Variants in ADAMTS2 observed in about 807,000 individuals in gnomAD.
ADAMTS2 encodes ADAM metallopeptidase with thrombospondin type 1 motif 2.
A neutral mutation model predicts 123.0 loss-of-function variants in ADAMTS2; 50 were observed. The observed-to-expected ratio is 0.41, with a 90% CI of 0.32 to 0.51. The LOEUF (loss-of-function observed/expected upper bound fraction) is 0.51, where lower values mean the gene tolerates loss of function less well. ADAMTS2 is among the 20% of genes least tolerant of loss of function. The pLI is 0.35. For missense variants in ADAMTS2, 1,494 were observed against 1,705.2 expected, an observed-to-expected ratio of 0.88 and a Z score of 2.18; for synonymous variants, 678 against 695.4, an observed-to-expected ratio of 0.98 and a Z score of 0.39.
In ADAMTS2 at chr5:179,132,722, C is replaced by G; in HGVS notation, c.2209+55G>C. The G allele has an allele frequency of 1.2e-6, 2 of 1,613,012 alleles. No individual in the cohort carries two copies. The highest frequency in any genetic ancestry group is 2.2e-5 in the South Asian group (2 of 91,024). ...TGAGTCAGGCCCTCAGCTGTCCGGG[C>G]ATGAGCCTGCTGCAGGCATCCAGGC... On this transcript the variant is annotated intron_variant, in intron 14 of 21. Transcript: ENST00000251582. This position sits in a 1 kb window ranked among gnomAD's most constrained non-coding sequence, Gnocchi z 6.1.
chr5:179,258,946 C>T (rs561285586), intron 3 of ADAMTS2, among the ~76,000 whole-genome samples: 1 of 152,158 alleles, frequency 6.6e-6, no homozygotes, highest in Non-Finnish European at 1.5e-5. Flanking sequence ...CTGATCCGGC[C>T]GCTGCTCTCA....
intron 3 of ADAMTS2, among the ~76,000 whole-genome samples, chr5:179,241,254 G>A (rs1321086729): frequency 1.3e-5 from 2 of 152,230 alleles, no homozygotes; most frequent in Admixed American, 1.3e-4. Context: ...GGGACAGAGT[G>A]CAAGGTGCCT....
chr5:179,128,549 C>A lies in ADAMTS2; in HGVS notation c.2458-431G>T, dbSNP rs905742445. Among the ~76,000 whole-genome samples, 1 of 152,046 alleles carries A rather than the reference C, an allele frequency of 6.6e-6. No individual in the cohort carries two copies. The highest frequency in any genetic ancestry group is 2.4e-5 in the African/African-American group (1 of 41,396). ...CTGGGATTACAGGCGCCCGCCACCA[C>A]GCCTGGCTAATTTTTGTATTTTTAG... is the stretch of plus-strand genomic sequence containing the variant. On this transcript the variant is annotated intron_variant, in intron 16 of 21. Transcript: ENST00000251582. The surrounding 1 kb of genome is among the most constrained non-coding windows in gnomAD (Gnocchi z 4.9).
intron 2 of ADAMTS2, among the ~76,000 whole-genome samples, chr5:179,319,192 C>T (rs566980288): frequency 3.3e-4 from 48 of 146,802 alleles, no homozygotes; most frequent in African/African-American, 1.1e-3. Context: ...ACCATGCAGA[C>T]GCATGCACAC....
chr5:179,189,901 CG>C lies in ADAMTS2; in HGVS notation c.892-8747del, dbSNP rs566336472. On this transcript the variant is annotated intron_variant, in intron 4 of 21. Coordinates refer to ENST00000251582, the MANE Select transcript of ADAMTS2 (RefSeq NM_014244.5). This position sits in a 1 kb window ranked among gnomAD's most constrained non-coding sequence, Gnocchi z 4.2. ...AGTAGATTCACAAGGGCGGGTCCGG[CG>C]GGGGCGGGTGGCAATATCACAAAGT... Among the ~76,000 whole-genome samples, 500 of 149,716 alleles carry C rather than the reference CG, an allele frequency of 3.3e-3. 2 individuals carry two copies. The highest frequency in any genetic ancestry group is 0.011 in the African/African-American group (455 of 40,464).
At chr5:179,244,903 A>C (rs749957807) in intron 3 of ADAMTS2, among the ~76,000 whole-genome samples, 15 of 152,200 alleles carry the variant, frequency 9.9e-5, no homozygotes, top group Non-Finnish European at 2.2e-4. Flanking sequence ...GCATGAAATT[A>C]TATAAAGCAA....
At position 179,242,690 on chromosome 5, in the gene ADAMTS2, C is replaced by A. The variant is rs1182621885; in HGVS notation, c.688+30221G>T. On this transcript the variant is annotated intron_variant, in intron 3 of 21. Coordinates refer to ENST00000251582, the MANE Select transcript of ADAMTS2 (RefSeq NM_014244.5). The surrounding 1 kb of genome is among the most constrained non-coding windows in gnomAD (Gnocchi z 4.2). ...TCTCTCTTCCCCGCTTCTAGTCCTT[C>A]CAGTTCAGCTTATGGGGAGTTCCAC... 6.6e-6 allele frequency among the ~76,000 whole-genome samples: 1 copy of A among 152,204 alleles called. No homozygotes were observed. Among genetic ancestry groups the A allele is most frequent in the African/African-American group, 2.4e-5 (1 of 41,438 alleles).
Position 179,256,006 on chromosome 5 carries a change from A to G in ADAMTS2, c.688+16905T>C, listed in dbSNP as rs975661521. 6.6e-5 allele frequency among the ~76,000 whole-genome samples: 10 copies of G among 152,116 alleles called. No individual in the cohort carries two copies. The highest frequency in any genetic ancestry group is 2.4e-4 in the African/African-American group (10 of 41,430). On this transcript the variant is annotated intron_variant, in intron 3 of 21. Coordinates refer to ENST00000251582, the MANE Select transcript of ADAMTS2 (RefSeq NM_014244.5). This position sits in a 1 kb window ranked among gnomAD's most constrained non-coding sequence, Gnocchi z 4.1. ...CTGCCTACACCCCCAACACATGAGC[A>G]TGGGCAGGTACCCACCAGTCTCCTT...
intron 3 of ADAMTS2, among the ~76,000 whole-genome samples, chr5:179,248,990 C>A (rs1765863017): frequency 6.6e-6 from 1 of 152,026 alleles, no homozygotes; most frequent in African/African-American, 2.4e-5. Context: ...TGTTAGGTCA[C>A]AAAACAAGTC....
At position 179,189,523 on chromosome 5, in the gene ADAMTS2, T is replaced by C. The variant is rs1049839769; in HGVS notation, c.892-8368A>G. On this transcript the variant is annotated intron_variant, in intron 4 of 21. Coordinates refer to ENST00000251582, the MANE Select transcript of ADAMTS2 (RefSeq NM_014244.5). This position sits in a 1 kb window ranked among gnomAD's most constrained non-coding sequence, Gnocchi z 4.2. ...CCAGTGCGCCTGGTTTTTTTTTTTT[T>C]TTTTTTTTTTTTTTTAGTAGAGGCA... 2.1e-5 allele frequency among the ~76,000 whole-genome samples: 3 copies of C among 139,628 alleles called. No individual in the cohort carries two copies. Among genetic ancestry groups the C allele is most frequent in the African/African-American group, 5.4e-5 (2 of 37,280 alleles). 91.6% of individuals were successfully genotyped at this position (139,628 alleles called of 152,430 possible). A position where few individuals can be genotyped will look rare whatever the true frequency, so the allele number is the denominator to read the frequency against.
At chr5:179,290,794 C>A (rs1561694403) in intron 2 of ADAMTS2, among the ~76,000 whole-genome samples, 1 of 152,314 alleles carries the variant, frequency 6.6e-6, no homozygotes, top group East Asian at 1.9e-4. Context: ...GGAGCAGGTC[C>A]TGTAGAAGGT....
rs771732274 is a variant in ADAMTS2 at position 179,312,405 on chromosome 5, C to G, written c.534+31362G>C. The stretch of plus-strand genomic sequence containing the variant: ...GATTTGTGCCCCGATCAGAGGGACC[C>G]CAGAGAGCTCCCTCACCCTTTCAGC... On this transcript the variant is annotated intron_variant, in intron 2 of 21. Transcript: ENST00000251582. This position sits in a 1 kb window ranked among gnomAD's most constrained non-coding sequence, Gnocchi z 4.2. Among the ~76,000 whole-genome samples, 16 of 152,144 alleles carry G rather than the reference C, an allele frequency of 1.1e-4. No homozygotes were observed. Among genetic ancestry groups the G allele is most frequent in the Non-Finnish European group, 1.6e-4 (11 of 68,030 alleles).
At chr5:179,231,169 C>T (rs1163740166) in intron 3 of ADAMTS2, among the ~76,000 whole-genome samples, 2 of 152,170 alleles carry the variant, frequency 1.3e-5, no homozygotes, top group Non-Finnish European at 2.9e-5. Flanking sequence ...CGGCACTCGT[C>T]CACTCACATG....
At chr5:179,329,825 C>T (rs1757431933) in intron 2 of ADAMTS2, among the ~76,000 whole-genome samples, 1 of 152,180 alleles carries the variant, frequency 6.6e-6, no homozygotes, top group African/African-American at 2.4e-5. Context: ...AACCACCAGC[C>T]ATTAAAGAAA....
At chr5:179,334,546 G>A (rs916758749) in intron 2 of ADAMTS2, among the ~76,000 whole-genome samples, 7 of 152,174 alleles carry the variant, frequency 4.6e-5, no homozygotes, top group Admixed American at 1.3e-4. Context: ...GAGAAATACC[G>A]GGGGCGTTGC....
intron 4 of ADAMTS2, 42 bp downstream of exon 4, chr5:179,207,471 A>ACCCAACCCCCCCCCCCCCCCCCCCCCCC: frequency 9.7e-7 from 1 of 1,026,474 alleles, no homozygotes; most frequent in Non-Finnish European, 1.5e-6. Flanking sequence ...CCCCTGGTTG[A>ACCCAACCCCCCCCCCCCCCCCCCCCCCC]CCCTCCCCGC....
intron 3 of ADAMTS2, among the ~76,000 whole-genome samples, chr5:179,267,841 C>T (rs1011043679): frequency 2.6e-5 from 4 of 152,136 alleles, no homozygotes; most frequent in Non-Finnish European, 5.9e-5. Flanking sequence ...ACCTGGCCAG[C>T]GTCCTTGTGC....
intron 2 of ADAMTS2, among the ~76,000 whole-genome samples, chr5:179,316,092 C>G (rs1159210131): frequency 6.6e-6 from 1 of 152,192 alleles, no homozygotes; most frequent in African/African-American, 2.4e-5. Context: ...TTCAAAAGCT[C>G]CCAGAGGGAA....
At chr5:179,321,578 G>A (rs896137454) in intron 2 of ADAMTS2, among the ~76,000 whole-genome samples, 2 of 152,046 alleles carry the variant, frequency 1.3e-5, no homozygotes, top group African/African-American at 4.8e-5. Flanking sequence ...TGCACATGGT[G>A]GGGGGCCAAG....
Sources: gnomAD v4.1 joint callset for allele counts (sites outside exome capture counted in the v4.1 genomes callset) on GRCh38, gnomAD v4.1.1 for gene constraint, Gnocchi (gnomAD v3.1) non-coding constraint, MANE v1.5 for transcripts, NCBI Gene and HGNC (gene_info 2026-07-23, HGNC 2026-07-21) for gene names.